Variants in STK39 observed in about 807,000 individuals in gnomAD.
The protein encoded by STK39 is STE20/SPS1-related proline-alanine-rich protein kinase.
Under a neutral mutation model 77.8 loss-of-function variants are expected in STK39, and 20 were observed. The observed-to-expected ratio is 0.26, with a 90% confidence interval of 0.18 to 0.37. The LOEUF is 0.37. Among genes scored for constraint, STK39 ranks in the 10% least tolerant of loss-of-function variants. The pLI, the probability that STK39 is intolerant of heterozygous loss-of-function variation, is 1.00. For missense variants in STK39, 479 were observed against 656.5 expected, an observed-to-expected ratio of 0.73 and a Z score of 2.95; for synonymous variants, 246 against 234.1, an observed-to-expected ratio of 1.05 and a Z score of -0.47.
At chr2:168,136,229 C>T (rs1218577754) in intron 8 of STK39, among the ~76,000 whole-genome samples, 3 of 151,624 alleles carry the variant, frequency 2.0e-5, no homozygotes, top group South Asian at 2.1e-4. Flanking sequence ...ATTAGCCTGG[C>T]GTGGTGACAC....
intron 14 of STK39, among the ~76,000 whole-genome samples, chr2:168,023,119 T>C (rs1188843673): frequency 1.3e-5 from 2 of 152,134 alleles, no homozygotes; most frequent in Non-Finnish European, 2.9e-5. Flanking sequence ...TCTTGCTATG[T>C]TGCTGAGGCT....
intron 14 of STK39, among the ~76,000 whole-genome samples, chr2:168,044,940 G>C (rs1235285053): frequency 6.6e-6 from 1 of 152,120 alleles, no homozygotes; most frequent in Non-Finnish European, 1.5e-5. Context: ...GAAAAAATGA[G>C]TAACTATACT....
At chr2:168,114,655 C>T (rs1268612431) in intron 10 of STK39, among the ~76,000 whole-genome samples, 1 of 152,120 alleles carries the variant, frequency 6.6e-6, no homozygotes. Context: ...AAATAGGGTT[C>T]TCAACTCTAA....
At chr2:167,998,437 A>C (rs1683908135) in intron 16 of STK39, among the ~76,000 whole-genome samples, 1 of 152,198 alleles carries the variant, frequency 6.6e-6, no homozygotes, top group Admixed American at 6.5e-5. Context: ...ACTCTATTAT[A>C]ATGATAATAG....
rs1027946928 is a variant in STK39 at position 168,138,185 on chromosome 2, A to G, written c.877T>C (p.Leu293=). ...MLTLQNDPPT[L]ETGVEDKEMM... ...TCTTTATCCTCTACCCCTGTTTCCA[A>G]AGTGGGTGGATCATTTTGCAAAGTC... Residue 293 remains leucine (L), a synonymous_variant, in exon 8 of 18, where the codon TTG becomes CTG. Coordinates refer to ENST00000355999, the MANE Select transcript of STK39 (RefSeq NM_013233.3). 1.9e-6 allele frequency: 3 copies of G among 1,613,818 alleles called. No individual in the cohort carries two copies. The highest frequency in any genetic ancestry group is 2.5e-6 in the Non-Finnish European group (3 of 1,179,876).
At chr2:168,021,149 T>C (rs1386092459) in intron 14 of STK39, among the ~76,000 whole-genome samples, 1 of 152,188 alleles carries the variant, frequency 6.6e-6, no homozygotes, top group Admixed American at 6.5e-5. Flanking sequence ...CTTATTTAAA[T>C]ATATTTATTC....
intron 14 of STK39, among the ~76,000 whole-genome samples, chr2:168,039,311 G>GTGACTGCCTTT (rs1574412902): frequency 1.3e-4 from 11 of 87,762 alleles, no homozygotes; most frequent in African/African-American, 2.7e-4. Context: ...AAGCAGATCA[G>GTGACTGCCTTT]GCCGGGCGCG....
intron 2 of STK39, among the ~76,000 whole-genome samples, chr2:168,171,035 T>C (rs1688810581): frequency 6.6e-6 from 1 of 152,220 alleles, no homozygotes; most frequent in Non-Finnish European, 1.5e-5. Context: ...GTGGCTCCCT[T>C]GGAAACCGAG....
At chr2:168,193,706 T>A (rs1245540198) in intron 1 of STK39, among the ~76,000 whole-genome samples, 1 of 152,198 alleles carries the variant, frequency 6.6e-6, no homozygotes, top group Non-Finnish European at 1.5e-5. Context: ...TAGGACTGTG[T>A]TGTATTGAAA....
intron 14 of STK39, among the ~76,000 whole-genome samples, chr2:168,062,773 T>C (rs1266435356): frequency 6.6e-6 from 1 of 152,218 alleles, no homozygotes; most frequent in Non-Finnish European, 1.5e-5. Flanking sequence ...AGAACATATG[T>C]ATAACTTCTT....
At chr2:168,083,048 C>A (rs187577494) in intron 10 of STK39, among the ~76,000 whole-genome samples, 36 of 152,276 alleles carry the variant, frequency 2.4e-4, no homozygotes, top group Non-Finnish European at 7.4e-5. Flanking sequence ...CTTCTCCCAA[C>A]CAAATCTATT....
intron 10 of STK39, among the ~76,000 whole-genome samples, chr2:168,090,427 A>G (rs747544952): frequency 3.3e-5 from 5 of 152,240 alleles, no homozygotes; most frequent in Non-Finnish European, 7.3e-5. Context: ...GTCAGGAGCT[A>G]GTGACATTGT....
chr2:168,160,917 TGAG>T, intron 5 of STK39, among the ~76,000 whole-genome samples: 1 of 127,898 alleles, frequency 7.8e-6, no homozygotes, highest in Non-Finnish European at 1.6e-5. Context: ...GCCTCCACGA[TGAG>T]GAGAGGCACC....
chr2:168,213,865 T>C (rs1385649857), intron 1 of STK39, among the ~76,000 whole-genome samples: 1 of 152,182 alleles, frequency 6.6e-6, no homozygotes, highest in African/African-American at 2.4e-5. Flanking sequence ...TAATGTTCCT[T>C]TCAATATGGT....
intron 10 of STK39, among the ~76,000 whole-genome samples, chr2:168,101,075 G>A (rs1363738877): frequency 6.6e-6 from 1 of 152,180 alleles, no homozygotes; most frequent in Non-Finnish European, 1.5e-5. Context: ...GATGAAGCTG[G>A]AAACCATCAT....
Position 167,963,396 on chromosome 2 carries a change from T to C in STK39, c.1563+1266A>G, listed in dbSNP as rs138385005. ...CCAGCATGAGAGTTTCAAACTCTTA[T>C]CTCTGTTTGCATATTACAAATTAGG... On this transcript the variant is annotated intron_variant, in intron 17 of 17. Coordinates refer to ENST00000355999, the MANE Select transcript of STK39 (RefSeq NM_013233.3). Among the ~76,000 whole-genome samples, 73 of 152,226 alleles carry C rather than the reference T, an allele frequency of 4.8e-4. 1 individual carries two copies. The East Asian group carries it at 0.013, about 27-fold the overall frequency.
intron 16 of STK39, among the ~76,000 whole-genome samples, chr2:167,997,216 C>T (rs748929738): frequency 7.0e-4 from 106 of 151,922 alleles, no homozygotes; most frequent in Admixed American, 2.2e-3. Context: ...ATAAGTAGGA[C>T]AACAGTGGTT....
At chr2:168,109,994 C>G (rs1391300707) in intron 10 of STK39, among the ~76,000 whole-genome samples, 1 of 152,100 alleles carries the variant, frequency 6.6e-6, no homozygotes, top group Non-Finnish European at 1.5e-5. Context: ...GTTTGTCTTT[C>G]TATTACATTA....
At chr2:168,235,762 T>C (rs574299181) in intron 1 of STK39, among the ~76,000 whole-genome samples, 4 of 152,176 alleles carry the variant, frequency 2.6e-5, no homozygotes, top group Admixed American at 1.3e-4. Context: ...GCTTCATCCA[T>C]GTCCCTACAA....
Sources: allele counts gnomAD v4.1 joint callset (sites outside exome capture counted in the v4.1 genomes callset), GRCh38; gene constraint gnomAD v4.1.1; transcripts MANE v1.5; gene names NCBI Gene and HGNC (gene_info 2026-07-23, HGNC 2026-07-21).